The following ITSN2 variants were observed in gnomAD, a reference collection of about 807,000 sequenced individuals.
ITSN2 encodes the protein intersectin 2.
ITSN2 carries 156 observed loss-of-function variants against 243.7 expected under a neutral mutation model. That is an observed-to-expected ratio of 0.64 (90% CI 0.56 to 0.73). The LOEUF is 0.73. Ranked by LOEUF, ITSN2 falls within the 30% of genes least tolerant of loss-of-function variation. The pLI is 0.00. For synonymous variants in ITSN2, 703 were observed against 699.9 expected (o/e 1.00, Z -0.07); for missense variants, 1,801 against 1,996.1 (o/e 0.90, Z 1.86).
chr2:24,213,770 G>A (rs1669713421), intron 32 of ITSN2, among the ~76,000 whole-genome samples: 2 of 152,092 alleles, frequency 1.3e-5, no homozygotes, highest in African/African-American at 2.4e-5. Flanking sequence ...TCATTATTCT[G>A]ATGAATGTTT....
intron 22 of ITSN2, among the ~76,000 whole-genome samples, chr2:24,260,045 C>T (rs967821626): frequency 6.6e-6 from 1 of 152,252 alleles, no homozygotes; most frequent in Middle Eastern, 3.4e-3. Context: ...CTCAACCTCC[C>T]AAGTAGCTAG....
Position 24,300,065 on chromosome 2 carries a change from T to G in ITSN2, c.1188A>C (p.Lys396Asn). 1 of 1,614,224 alleles carries G rather than the reference T, an allele frequency of 6.2e-7. No homozygotes were observed. The highest frequency in any genetic ancestry group is 8.5e-7 in the Non-Finnish European group (1 of 1,180,046). The change falls in exon 12 of 40, where the codon AAA becomes AAC. Residue 396 changes from lysine (K) to asparagine (N), a missense_variant. Physicochemically the swap from Lys to Asn is moderately conservative, Grantham distance 94 (BLOSUM62 0). Transcript: ENST00000355123. ...CCCACTCTTCCTTTTCTTTCTGGGC[T>G]TTACGTTCTGCCTCCCTTTGTTGCT... The part of the protein sequence containing the change: ...MEQQQREAER[K>N]AQKEKEEWER...
intron 2 of ITSN2, among the ~76,000 whole-genome samples, chr2:24,318,941 T>C (rs559726681): frequency 6.4e-4 from 98 of 152,300 alleles, no homozygotes; most frequent in African/African-American, 2.1e-3. Context: ...TAGATTCTCA[T>C]AGGAGCACAA....
chr2:24,345,195 G>A lies in ITSN2; in HGVS notation c.-34+15109C>T, dbSNP rs1687411114. Reference sequence around the variant, plus strand: ...CCACATATTAAAGGCTACTGTATGGGATAGTGTGGTTCTATAGGATCTTTA... The same window carrying A: ...CCACATATTAAAGGCTACTGTATGGAATAGTGTGGTTCTATAGGATCTTTA... On this transcript the variant is annotated intron_variant, in intron 1 of 39. Transcript: ENST00000355123. 2.6e-5 allele frequency among the ~76,000 whole-genome samples: 4 copies of A among 152,270 alleles called. No individual in the cohort carries two copies. In the South Asian group the frequency reaches 8.3e-4, roughly 32 times the overall value.
intron 32 of ITSN2, among the ~76,000 whole-genome samples, chr2:24,213,833 C>T (rs554983091): frequency 4.3e-4 from 66 of 152,308 alleles, no homozygotes; most frequent in Non-Finnish European, 8.8e-4. Flanking sequence ...GAGGCAACTC[C>T]CTGCCTCCTA....
intron 20 of ITSN2, among the ~76,000 whole-genome samples, chr2:24,262,512 C>G (rs1483816047): frequency 6.6e-6 from 1 of 152,138 alleles, no homozygotes; most frequent in African/African-American, 2.4e-5. Context: ...CATTTTCATC[C>G]TACAGTGTGA....
chr2:24,229,943 A>G (rs1671416669), intron 29 of ITSN2, among the ~76,000 whole-genome samples: 1 of 152,084 alleles, frequency 6.6e-6, no homozygotes, highest in African/African-American at 2.4e-5. Flanking sequence ...CTAATGTCGC[A>G]GTGCCCTAAG....
chr2:24,265,573 G>A (rs1316129064), intron 20 of ITSN2, among the ~76,000 whole-genome samples: 1 of 152,054 alleles, frequency 6.6e-6, no homozygotes, highest in Admixed American at 6.6e-5. Context: ...CAATCTTGAT[G>A]CCTTTTACTC....
rs555525483 is a variant in ITSN2, at chr2:24,350,908, T to C, written c.-34+9396A>G. On this transcript the variant is annotated intron_variant, in intron 1 of 39. Coordinates refer to ENST00000355123, the MANE Select transcript of ITSN2 (RefSeq NM_006277.3). The stretch of plus-strand genomic sequence containing the variant: ...GAGGTTCTTTTAAGAACGACGAAAA[T>C]GTTCTAAAATTAGATAGTGATACTG... Among the ~76,000 whole-genome samples, 4 of 152,230 alleles carry C rather than the reference T, an allele frequency of 2.6e-5. No homozygotes were observed. The East Asian group carries it at 5.8e-4, about 22-fold the overall frequency.
intron 20 of ITSN2, among the ~76,000 whole-genome samples, chr2:24,264,584 T>C (rs891687917): frequency 1.4e-5 from 2 of 141,844 alleles, no homozygotes; most frequent in East Asian, 2.0e-4. Context: ...AAGGAACAAA[T>C]TGAAATTCAT....
At chr2:24,252,947 T>C (rs1348177315) in intron 24 of ITSN2, among the ~76,000 whole-genome samples, 4 of 152,174 alleles carry the variant, frequency 2.6e-5, no homozygotes, top group Non-Finnish European at 4.4e-5. Context: ...TTTAATTCTT[T>C]TAAGTACACA....
intron 2 of ITSN2, among the ~76,000 whole-genome samples, chr2:24,320,736 CAA>C (rs61489698): frequency 7.6e-4 from 101 of 133,072 alleles, no homozygotes; most frequent in Admixed American, 7.6e-4. Flanking sequence ...CAACAACCAC[CAA>C]AAAAAAAAAA....
intron 1 of ITSN2, among the ~76,000 whole-genome samples, chr2:24,339,464 C>T (rs1314850258): frequency 1.4e-5 from 2 of 144,868 alleles, no homozygotes; most frequent in Admixed American, 6.8e-5. Context: ...GAGTGAGACG[C>T]CGTCTCAAAA....
intron 31 of ITSN2, among the ~76,000 whole-genome samples, chr2:24,217,634 C>T (rs1670091395): frequency 6.6e-6 from 1 of 152,160 alleles, no homozygotes; most frequent in Non-Finnish European, 1.5e-5. Flanking sequence ...GGGTCAAGGA[C>T]ATCTTATATC....
At chr2:24,221,324 G>A in intron 29 of ITSN2, 3 of 395,454 alleles carry the variant, frequency 7.6e-6, no homozygotes, top group Non-Finnish European at 1.4e-5. Flanking sequence ...TTTCAGAACT[G>A]TGCAGAGCGT....
chr2:24,334,317 C>T (rs1686115930), intron 1 of ITSN2, among the ~76,000 whole-genome samples: 1 of 152,082 alleles, frequency 6.6e-6, no homozygotes, highest in Non-Finnish European at 1.5e-5. Context: ...CCTCGGCTTC[C>T]CAAAGTGTTG....
chr2:24,279,722 T>G (rs922608158), intron 17 of ITSN2, among the ~76,000 whole-genome samples: 4 of 146,888 alleles, frequency 2.7e-5, no homozygotes, highest in Non-Finnish European at 6.0e-5. Context: ...GATGTGTGAA[T>G]TTTCTTTTTT....
chr2:24,358,569 A>G (rs1263748636), intron 1 of ITSN2, among the ~76,000 whole-genome samples: 2 of 152,210 alleles, frequency 1.3e-5, no homozygotes, highest in Non-Finnish European at 2.9e-5. Flanking sequence ...GAAATTTGTG[A>G]AACTCTACAT....
At chr2:24,309,258 TCCTGGATCACTGCAACCTCCA>T (rs1682947032) in intron 7 of ITSN2, among the ~76,000 whole-genome samples, 1 of 152,144 alleles carries the variant, frequency 6.6e-6, no homozygotes, top group South Asian at 2.1e-4. Flanking sequence ...AGTGGCACAA[TCCTGGATCACTGCAACCTCCA>T]CCTCCCGGGT....
Sources: gnomAD v4.1 joint callset for allele counts (sites outside exome capture counted in the v4.1 genomes callset) on GRCh38, gnomAD v4.1.1 for gene constraint, MANE v1.5 for transcripts, NCBI Gene and HGNC (gene_info 2026-07-23, HGNC 2026-07-21) for gene names.